Variants in FAM229B observed in about 807,000 individuals in gnomAD.
The protein encoded by FAM229B is family with sequence similarity 229 member B.
FAM229B carries 2 observed loss-of-function variants against 6.7 expected under a neutral mutation model. The ratio of observed to expected loss-of-function variants is 0.30; its 90% CI spans 0.12 to 0.94. FAM229B has a LOEUF of 0.94. FAM229B is among the 40% of genes least tolerant of loss of function. FAM229B has a pLI of 0.54. For synonymous variants in FAM229B, 29 were observed against 34.0 expected, an observed-to-expected ratio of 0.85 and a Z score of 0.51; for missense variants, 93 against 96.2, an observed-to-expected ratio of 0.97 and a Z score of 0.14.
chr6:112,100,838 GT>G lies in FAM229B; in HGVS notation c.*52del. 1 of 1,277,916 alleles carries G rather than the reference GT, an allele frequency of 7.8e-7. No individual in the cohort carries two copies. The highest frequency in any genetic ancestry group is 1.1e-6 in the Non-Finnish European group (1 of 878,448). 79.2% of individuals were successfully genotyped at this position (1,277,916 alleles called of 1,614,324 possible). On this transcript the variant is annotated 3_prime_UTR_variant, in exon 4 of 4. Transcript: ENST00000368656. Reference sequence around the variant, plus strand: ...TGACTAGGTCAAGGGTAATGGACCAGTATCATCTGGTGATCTGGTAAACAAA... The same window carrying G: ...TGACTAGGTCAAGGGTAATGGACCAGATCATCTGGTGATCTGGTAAACAAA...
At position 112,101,615 on chromosome 6, in the gene FAM229B, T is replaced by C. The variant is rs1777400481; in HGVS notation, c.*828T>C. ...TCTTCTTGCAGTAGTCCCCAGAAAC[T>C]CAGTCTGCTTTCCTTTTCTCTCGAT... On this transcript the variant is annotated 3_prime_UTR_variant, in exon 4 of 4. Transcript: ENST00000368656. The C allele has an allele frequency of 6.6e-6, 1 of 152,156 alleles. No individual in the cohort carries two copies. The highest frequency in any genetic ancestry group is 1.5e-5 in the Non-Finnish European group (1 of 68,032). The allele number at this position is 152,156 out of a possible 1,614,324, so 9.4% of individuals were successfully genotyped here.
chr6:112,097,256 G>A (rs1777338512), intron 2 of FAM229B, 55 bp downstream of exon 2: 2 of 152,160 alleles, frequency 1.3e-5, no homozygotes, highest in Admixed American at 1.3e-4. Flanking sequence ...TGCATAGATA[G>A]GTAGTTATAC....
In FAM229B at chr6:112,100,918, T is replaced by G. The variant is rs1241802053; in HGVS notation, c.*131T>G. On this transcript the variant is annotated 3_prime_UTR_variant, in exon 4 of 4. Transcript: ENST00000368656. ...CAACAGTTGAGCTCTTTACTTTTAG[T>G]AAGACCGACAGAAATGTAGTCAGTA... The G allele has an allele frequency of 4.3e-6, 3 of 693,586 alleles. No homozygotes were observed. The highest frequency in any genetic ancestry group is 7.7e-6 in the Non-Finnish European group (3 of 391,046). The allele number at this position is 693,586 out of a possible 1,614,324, so 43.0% of individuals were successfully genotyped here.
intron 1 of FAM229B, among the ~76,000 whole-genome samples, chr6:112,096,360 T>A (rs1777325398): frequency 6.6e-6 from 1 of 152,100 alleles, no homozygotes; most frequent in African/African-American, 2.4e-5. Flanking sequence ...ATCGAGACCA[T>A]CCTGGCTAAC....
In FAM229B at chr6:112,101,322, A is replaced by G. The variant is rs892361714; in HGVS notation, c.*535A>G. The G allele has an allele frequency of 6.6e-6, 1 of 152,300 alleles. No individual in the cohort carries two copies. The highest frequency in any genetic ancestry group is 1.9e-4 in the East Asian group (1 of 5,196). The allele number at this position is 152,300 out of a possible 1,614,324, so 9.4% of individuals were successfully genotyped here. ...CAAGATCAAAGAAAGTTCTTAGTCC[A>G]TGGTTAATCTGCAAGGCATTTAAGC... On this transcript the variant is annotated 3_prime_UTR_variant, in exon 4 of 4. Transcript: ENST00000368656.
In FAM229B at chr6:112,100,690, G is replaced by A; in HGVS notation, c.146G>A (p.Gly49Glu). 6.2e-7 allele frequency: 1 copy of A among 1,613,712 alleles called. No individual in the cohort carries two copies. The highest frequency in any genetic ancestry group is 1.1e-5 in the South Asian group (1 of 91,064). ...TTCAGGCAACTCCGGAGGTGCCCTG[G>A]AAGTCATTGCCTGACAATAACTGAT... is the stretch of plus-strand genomic sequence containing the variant. ...SPTRQLRRCP[G>E]SHCLTITDVP... Residue 49 changes from glycine (G) to glutamate (E), a missense_variant, in exon 4 of 4, where the codon GGA (glycine) becomes GAA (glutamate). Gly to Glu is a moderately conservative substitution (Grantham distance 98, BLOSUM62 -2). Transcript: ENST00000368656.
At position 112,102,775 on chromosome 6, in the gene FAM229B, A is replaced by G. The variant is rs949822974; in HGVS notation, c.*1988A>G. Reference sequence around the variant, plus strand: ...AAAACCCATCAAAATAAAAATAAAAACTACAATAAAATCCAGCACCAAAAG... The same window carrying G: ...AAAACCCATCAAAATAAAAATAAAAGCTACAATAAAATCCAGCACCAAAAG... On this transcript the variant is annotated 3_prime_UTR_variant, in exon 4 of 4. Coordinates refer to ENST00000368656, the MANE Select transcript of FAM229B (RefSeq NM_001033564.3). 1 of 152,142 alleles carries G rather than the reference A, an allele frequency of 6.6e-6. No homozygotes were observed. The highest frequency in any genetic ancestry group is 1.9e-4 in the East Asian group (1 of 5,196). 9.4% of individuals were successfully genotyped at this position (152,142 alleles called of 1,614,324 possible). A position where few individuals can be genotyped will look rare whatever the true frequency, so the allele number is the denominator to read the frequency against.
At chr6:112,100,541 C>T in intron 3 of FAM229B, 129 bp from the exon 4 acceptor site, 1 of 637,868 alleles carries the variant, frequency 1.6e-6, no homozygotes, top group South Asian at 1.9e-5. Flanking sequence ...ATGTTGTACT[C>T]ATTGTATGAC....
chr6:112,096,542 C>T (rs190026166), intron 1 of FAM229B, among the ~76,000 whole-genome samples: 3 of 152,018 alleles, frequency 2.0e-5, no homozygotes, highest in African/African-American at 4.8e-5. Flanking sequence ...GGTGACAGAG[C>T]GAGACTCTGT....
At chr6:112,098,397 T>G (rs898823628) in intron 2 of FAM229B, among the ~76,000 whole-genome samples, 1 of 152,116 alleles carries the variant, frequency 6.6e-6, no homozygotes, top group Non-Finnish European at 1.5e-5. Context: ...TTGCAGACAT[T>G]TATATATACT....
intron 2 of FAM229B, among the ~76,000 whole-genome samples, chr6:112,098,833 A>G (rs1443824580): frequency 1.3e-5 from 2 of 152,228 alleles, no homozygotes; most frequent in African/African-American, 2.4e-5. Flanking sequence ...TGTTAACCAT[A>G]GAGTATTTTC....
chr6:112,094,584 A>G (rs2114505210), intron 1 of FAM229B, among the ~76,000 whole-genome samples: 1 of 152,314 alleles, frequency 6.6e-6, no homozygotes, highest in African/African-American at 2.4e-5. Context: ...ACTAAAACAA[A>G]TCCTATCGTA....
Position 112,100,936 on chromosome 6 carries a change from A to G in FAM229B, c.*149A>G. On this transcript the variant is annotated 3_prime_UTR_variant, in exon 4 of 4. Transcript: ENST00000368656. ...CTTTTAGTAAGACCGACAGAAATGT[A>G]GTCAGTAAAGCACATGTAGTGATAG... is the stretch of plus-strand genomic sequence containing the variant. The G allele has an allele frequency of 1.5e-6, 1 of 651,410 alleles. No individual in the cohort carries two copies. The highest frequency in any genetic ancestry group is 2.8e-6 in the Non-Finnish European group (1 of 363,298). 40.4% of individuals were successfully genotyped at this position (651,410 alleles called of 1,614,324 possible).
At chr6:112,098,987 C>T (rs1777360707) in intron 2 of FAM229B, among the ~76,000 whole-genome samples, 1 of 152,096 alleles carries the variant, frequency 6.6e-6, no homozygotes, top group South Asian at 2.1e-4. Flanking sequence ...ATGTCTATAA[C>T]AAAATAGTAA....
Position 112,100,814 on chromosome 6 carries a change from G to T in FAM229B, c.*27G>T, listed in dbSNP as rs782440866. On this transcript the variant is annotated 3_prime_UTR_variant, in exon 4 of 4. Coordinates refer to ENST00000368656, the MANE Select transcript of FAM229B (RefSeq NM_001033564.3). ...ACCATTAAGTCTTTTGTCAAGGTCTGACTAGGTCAAGGGTAATGGACCAGT... is the reference window on the plus strand; with the variant it reads ...ACCATTAAGTCTTTTGTCAAGGTCTTACTAGGTCAAGGGTAATGGACCAGT... 4 of 1,545,494 alleles carry T rather than the reference G, an allele frequency of 2.6e-6. No individual in the cohort carries two copies. Among genetic ancestry groups the T allele is most frequent in the Non-Finnish European group, 3.6e-6 (4 of 1,117,788 alleles).
At position 112,101,092 on chromosome 6, in the gene FAM229B, C is replaced by T. The variant is rs141711877; in HGVS notation, c.*305C>T. On this transcript the variant is annotated 3_prime_UTR_variant, in exon 4 of 4. Transcript: ENST00000368656. ...ATGAAGCTTAATCCACCATGGTCAT[C>T]AGTCAGGTGGGGCTTATTCTAAATG... is the stretch of plus-strand genomic sequence containing the variant. 44 of 239,350 alleles carry T rather than the reference C, an allele frequency of 1.8e-4. No homozygotes were observed. The highest frequency in any genetic ancestry group is 3.5e-4 in the Non-Finnish European group (43 of 123,528). The allele number at this position is 239,350 out of a possible 1,614,324, so 14.8% of individuals were successfully genotyped here.
At chr6:112,095,032 A>G (rs587660257) in intron 1 of FAM229B, among the ~76,000 whole-genome samples, 1 of 152,328 alleles carries the variant, frequency 6.6e-6, no homozygotes, top group South Asian at 2.1e-4. Context: ...GAAGCATGGT[A>G]TGCCAAATGG....
chr6:112,096,083 G>A (rs1340322659), intron 1 of FAM229B, among the ~76,000 whole-genome samples: 1 of 152,192 alleles, frequency 6.6e-6, no homozygotes, highest in African/African-American at 2.4e-5. Context: ...CTGCTTAGCT[G>A]AAGAGTTATG....
At position 112,101,066 on chromosome 6, in the gene FAM229B, G is replaced by C; in HGVS notation, c.*279G>C. On this transcript the variant is annotated 3_prime_UTR_variant, in exon 4 of 4. Transcript: ENST00000368656. The stretch of plus-strand genomic sequence containing the variant: ...TAGATCATTAATATCAATAATTAAA[G>C]ATGAAGCTTAATCCACCATGGTCAT... 1 of 265,792 alleles carries C rather than the reference G, an allele frequency of 3.8e-6. No individual in the cohort carries two copies. The highest frequency in any genetic ancestry group is 7.1e-6 in the Non-Finnish European group (1 of 141,068). The allele number at this position is 265,792 out of a possible 1,614,324, so 16.5% of individuals were successfully genotyped here.
Sources: gnomAD v4.1 joint callset for allele counts (sites outside exome capture counted in the v4.1 genomes callset) on GRCh38, gnomAD v4.1.1 for gene constraint, MANE v1.5 for transcripts, NCBI Gene and HGNC (gene_info 2026-07-23, HGNC 2026-07-21) for gene names.